The following MICAL2 variants were observed in gnomAD, a reference collection of about 807,000 sequenced individuals.
MICAL2 encodes the protein [F-actin]-monooxygenase MICAL2.
Under a neutral mutation model 127.3 loss-of-function variants are expected in MICAL2, and 77 were observed. The ratio of observed to expected loss-of-function variants is 0.60; its 90% confidence interval spans 0.50 to 0.73. MICAL2 has a LOEUF of 0.73. Among genes scored for constraint, MICAL2 ranks in the 30% least tolerant of loss-of-function variants. The probability of loss-of-function intolerance (pLI) is 0.00; values close to 1 mark genes in which losing one functional copy is unlikely to be tolerated. For synonymous variants in MICAL2, 570 were observed against 551.1 expected, an observed-to-expected ratio of 1.03 and a Z score of -0.48; for missense variants, 1,351 against 1,434.4, an observed-to-expected ratio of 0.94 and a Z score of 0.94.
intron 3 of MICAL2, among the ~76,000 whole-genome samples, chr11:12,165,308 G>T (rs1197470581): frequency 6.6e-6 from 1 of 152,180 alleles, no homozygotes. Context: ...GCCGGTGCTT[G>T]TACTCCTTGT....
intron 2 of MICAL2, among the ~76,000 whole-genome samples, chr11:12,160,737 A>G (rs1193057939): frequency 6.6e-6 from 1 of 152,120 alleles, no homozygotes; most frequent in Non-Finnish European, 1.5e-5. Context: ...CCCTTGGTTC[A>G]TATTCCACAA....
chr11:12,267,891 C>A (rs1244661794), downstream of MICAL2, among the ~76,000 whole-genome samples: 2 of 152,188 alleles, frequency 1.3e-5, no homozygotes, highest in South Asian at 4.1e-4. Flanking sequence ...CTGTGCCTGG[C>A]CTGGATGATC....
intron 3 of MICAL2, among the ~76,000 whole-genome samples, chr11:12,179,687 C>T (rs78017696): frequency 0.016 from 2,365 of 152,290 alleles, 61 homozygotes; most frequent in African/African-American, 0.051. Flanking sequence ...CTGGCCCCAC[C>T]CAAAGAGACT....
At chr11:12,160,103 G>A (rs1021235401) in intron 2 of MICAL2, among the ~76,000 whole-genome samples, 1 of 152,148 alleles carries the variant, frequency 6.6e-6, no homozygotes, top group South Asian at 2.1e-4. Context: ...CAGGCACCTC[G>A]GAAGCTCTCC....
chr11:12,262,831 G>C (rs923296431), intron 27 of MICAL2: 1 of 323,188 alleles, frequency 3.1e-6, no homozygotes, highest in South Asian at 6.6e-5. Context: ...TTGCGTCTGC[G>C]AAGCTACCTA....
At chr11:12,118,878 G>GT (rs1382686783) in intron 1 of MICAL2, among the ~76,000 whole-genome samples, 1 of 152,130 alleles carries the variant, frequency 6.6e-6, no homozygotes, top group Non-Finnish European at 1.5e-5. Context: ...TTGTTGTTTT[G>GT]TTTTTTCACA....
chr11:12,118,200 G>A (rs1994324), intron 1 of MICAL2, among the ~76,000 whole-genome samples: 114,853 of 152,086 alleles, frequency 0.76, 43,567 homozygotes, highest in African/African-American at 0.82. Flanking sequence ...ACATACATAT[G>A]TGTGTGGTAC....
intron 1 of MICAL2, among the ~76,000 whole-genome samples, chr11:12,137,587 G>C (rs532955124): frequency 2.5e-4 from 38 of 152,056 alleles, no homozygotes; most frequent in African/African-American, 9.1e-4. Flanking sequence ...TTGTGTGCTA[G>C]AGAGAGAGAG....
chr11:12,213,484 G>A, intron 7 of MICAL2, 74 bp downstream of exon 7: 1 of 1,476,792 alleles, frequency 6.8e-7, no homozygotes, highest in Non-Finnish European at 9.1e-7. Context: ...AGAGGCGTGT[G>A]CTGGCTTTCT....
intron 3 of MICAL2, among the ~76,000 whole-genome samples, chr11:12,193,409 C>T (rs1859466558): frequency 6.6e-6 from 1 of 152,212 alleles, no homozygotes; most frequent in Admixed American, 6.5e-5. Flanking sequence ...AATGCCTGAC[C>T]TTTTCTCATA....
intron 3 of MICAL2, among the ~76,000 whole-genome samples, chr11:12,163,095 C>G (rs1474692786): frequency 3.3e-5 from 5 of 152,166 alleles, no homozygotes. Context: ...ATGCATTTCT[C>G]TACCTAGGAC....
intron 8 of MICAL2, among the ~76,000 whole-genome samples, chr11:12,217,175 C>T (rs1304648781): frequency 6.6e-6 from 1 of 152,172 alleles, no homozygotes; most frequent in Admixed American, 6.5e-5. Flanking sequence ...GCTGCAACCT[C>T]AAGATAAGGA....
At chr11:12,319,549 G>T (rs1403252664) in intron 29 of MICAL2, 2 of 608,314 alleles carry the variant, frequency 3.3e-6, no homozygotes, top group Non-Finnish European at 5.9e-6. Context: ...CTTAGGTACT[G>T]TTGCCTCATG....
chr11:12,246,320 C>G lies in MICAL2; in HGVS notation c.2784+2208C>G, dbSNP rs549754385. On this transcript the variant is annotated intron_variant, in intron 21 of 27. Transcript: ENST00000683283. The stretch of plus-strand genomic sequence containing the variant: ...TTCAGGCAGCCCTCCCCTGAGGACT[C>G]GGCTCCCTATCAGCCATTAGTTAAT... Among the ~76,000 whole-genome samples the G allele has an allele frequency of 1.8e-4, 28 of 152,360 alleles. No homozygotes were observed. The East Asian group carries it at 5.0e-3, about 27-fold the overall frequency.
rs1264229376 is a variant in MICAL2 at position 12,226,273 on chromosome 11, A to G, written c.1791A>G (p.Lys597=). The G allele has an allele frequency of 6.2e-7, 1 of 1,614,230 alleles. No homozygotes were observed. Among genetic ancestry groups the G allele is most frequent in the East Asian group, 2.2e-5 (1 of 44,888 alleles). Residue 597 remains lysine (K), a synonymous_variant, in exon 14 of 28, where the codon AAA becomes AAG. Coordinates refer to ENST00000683283, the MANE Select transcript of MICAL2 (RefSeq NM_001282663.2). ...EFGIPPVTTG[K]EMASAQEPDK... is the part of the protein sequence containing the mutation. Reference sequence around the variant, plus strand: ...GGATCCCTCCAGTGACCACGGGCAAAGAGATGGCATCTGCCCAGGAGCCTG... The same window carrying G: ...GGATCCCTCCAGTGACCACGGGCAAGGAGATGGCATCTGCCCAGGAGCCTG...
rs367563136 is a variant in MICAL2 at position 12,255,435 on chromosome 11, C to T, written c.2848-208C>T. On this transcript the variant is annotated intron_variant, in intron 22 of 27. Coordinates refer to ENST00000683283, the MANE Select transcript of MICAL2 (RefSeq NM_001282663.2). ...GAATCCTAGAGTACTTGTGTTTTTGCGGCCACAGGGTTTTATTTATTTTCT... is the reference window on the plus strand; with the variant it reads ...GAATCCTAGAGTACTTGTGTTTTTGTGGCCACAGGGTTTTATTTATTTTCT... 99 of 558,362 alleles carry T rather than the reference C, an allele frequency of 1.8e-4. 1 individual carries two copies. The highest frequency in any genetic ancestry group is 4.1e-4 in the African/African-American group (22 of 53,122). The allele number at this position is 558,362 out of a possible 1,614,324, so 34.6% of individuals were successfully genotyped here.
chr11:12,281,527 T>G (rs1863771335), intron 2 of MICAL2, among the ~76,000 whole-genome samples: 1 of 152,154 alleles, frequency 6.6e-6, no homozygotes, highest in Non-Finnish European at 1.5e-5. Context: ...GATGGCATCA[T>G]CTCCCTGGGA....
At chr11:12,252,145 A>G (rs979962488) in intron 22 of MICAL2, among the ~76,000 whole-genome samples, 1 of 152,172 alleles carries the variant, frequency 6.6e-6, no homozygotes, top group Non-Finnish European at 1.5e-5. Flanking sequence ...TATAGCCCCT[A>G]TCTGAGGGGC....
At chr11:12,328,752 T>C (rs544284131) in intron 32 of MICAL2, among the ~76,000 whole-genome samples, 1 of 152,326 alleles carries the variant, frequency 6.6e-6, no homozygotes, top group South Asian at 2.1e-4. Flanking sequence ...AGGTTACTTG[T>C]TACTTAACAA....
Sources: allele counts gnomAD v4.1 joint callset (sites outside exome capture counted in the v4.1 genomes callset), GRCh38; gene constraint gnomAD v4.1.1; transcripts MANE v1.5; gene names NCBI Gene and HGNC (gene_info 2026-07-23, HGNC 2026-07-21).